MLLT3: variants seen among roughly 807,000 people sequenced by gnomAD.
The protein encoded by MLLT3 is MLLT3 super elongation complex subunit, also known as protein AF-9.
MLLT3 carries 4 observed loss-of-function variants against 53.2 expected under a neutral mutation model. That is an observed-to-expected ratio of 0.08 (90% CI 0.04 to 0.17). The LOEUF (loss-of-function observed/expected upper bound fraction) is 0.17, where lower values mean the gene tolerates loss of function less well. Among genes scored for constraint, MLLT3 ranks in the 10% least tolerant of loss-of-function variants. The pLI, the probability that MLLT3 is intolerant of heterozygous loss-of-function variation, is 1.00. For missense variants in MLLT3, 569 were observed against 684.0 expected (o/e 0.83, Z 1.87); for synonymous variants, 283 against 230.6 (o/e 1.23, Z -2.06).
chr9:20,413,741 TCTC>T lies in MLLT3; in HGVS notation c.1102_1104del (p.Glu368del), dbSNP rs752187106. The T allele has an allele frequency of 1.2e-6, 2 of 1,605,866 alleles. No homozygotes were observed. Among genetic ancestry groups the T allele is most frequent in the Non-Finnish European group, 1.7e-6 (2 of 1,177,026 alleles). On this transcript the variant is annotated inframe_deletion, in exon 5 of 11. Transcript: ENST00000380338. ...CTCACATCAGATTTAGAGGATATAT[TCTC>T]CTCCACATCTGAATCATTGGGATCC...
At chr9:20,450,805 T>C (rs543535627) in intron 3 of MLLT3, among the ~76,000 whole-genome samples, 1 of 152,216 alleles carries the variant, frequency 6.6e-6, no homozygotes, top group Non-Finnish European at 1.5e-5. Context: ...GTCTATCCTC[T>C]AAGTTATAAA....
intron 9 of MLLT3, among the ~76,000 whole-genome samples, chr9:20,354,121 T>C (rs1356821322): frequency 2.0e-5 from 3 of 152,200 alleles, no homozygotes. Context: ...ATACCAAACA[T>C]TGCTAGTAAG....
rs71334526 is a variant in MLLT3, at chr9:20,343,183, CAAAAAAAAAAAAA to C, written c.*3247_*3259del. The C allele has an allele frequency of 2.7e-3, 109 of 40,346 alleles. 1 individual carries two copies. Among genetic ancestry groups the C allele is most frequent in the South Asian group, 4.8e-3 (4 of 832 alleles). The allele number at this position is 40,346 out of a possible 1,614,324, so 2.5% of individuals were successfully genotyped here. A position where few individuals can be genotyped will look rare whatever the true frequency, so the allele number is the denominator to read the frequency against. On this transcript the variant is annotated 3_prime_UTR_variant, in exon 11 of 11. Transcript: ENST00000380338. ...TAGGTGGGCCTGTAAAAGATATCGG[CAAAAAAAAAAAAA>C]AAAAAAAAAAAAAAAAAATTTTGAA...
intron 2 of MLLT3, among the ~76,000 whole-genome samples, chr9:20,567,966 G>A (rs934917279): frequency 6.6e-6 from 1 of 151,996 alleles, no homozygotes; most frequent in Non-Finnish European, 1.5e-5. Context: ...CTGCCTTCAG[G>A]AACAATTAAG....
chr9:20,503,852 T>C (rs906824198), intron 2 of MLLT3, among the ~76,000 whole-genome samples: 4 of 151,868 alleles, frequency 2.6e-5, no homozygotes, highest in African/African-American at 9.7e-5. Context: ...AACAACTCAA[T>C]AGCAAGAAAA....
At chr9:20,449,188 C>T (rs1823780528) in intron 3 of MLLT3, among the ~76,000 whole-genome samples, 1 of 152,270 alleles carries the variant, frequency 6.6e-6, no homozygotes, top group East Asian at 1.9e-4. Flanking sequence ...TTCTTATTAT[C>T]ACCATTTACC....
At chr9:20,479,157 C>T (rs1422514761) in intron 2 of MLLT3, among the ~76,000 whole-genome samples, 1 of 152,072 alleles carries the variant, frequency 6.6e-6, no homozygotes, top group African/African-American at 2.4e-5. Flanking sequence ...GTTTCCTTTA[C>T]AAGTTTAAAT....
intron 2 of MLLT3, among the ~76,000 whole-genome samples, chr9:20,538,115 C>A (rs1217539286): frequency 6.6e-6 from 1 of 152,114 alleles, no homozygotes; most frequent in Non-Finnish European, 1.5e-5. Flanking sequence ...TTCATTATTG[C>A]TGATGGAATT....
At position 20,616,540 on chromosome 9, in the gene MLLT3, C is replaced by T. The variant is rs72701950; in HGVS notation, c.193+4114G>A. ...AACCTCCCATCACCACCACAAGTAG[C>T]TACTAAACTACTAGTAAGAGTTTGA... On this transcript the variant is annotated intron_variant, in intron 2 of 10. Transcript: ENST00000380338. Among the ~76,000 whole-genome samples, 372 of 152,240 alleles carry T rather than the reference C, an allele frequency of 2.4e-3. 2 individuals carry two copies. The highest frequency in any genetic ancestry group is 3.9e-3 in the Non-Finnish European group (262 of 67,966).
intron 2 of MLLT3, among the ~76,000 whole-genome samples, chr9:20,484,123 A>G (rs1056739745): frequency 6.7e-6 from 1 of 149,358 alleles, no homozygotes; most frequent in African/African-American, 2.6e-5. Flanking sequence ...ACAGGTGATT[A>G]ATTATTTATG....
chr9:20,442,681 T>C (rs1319817906), intron 4 of MLLT3, among the ~76,000 whole-genome samples: 1 of 152,162 alleles, frequency 6.6e-6, no homozygotes, highest in African/African-American at 2.4e-5. Flanking sequence ...TATCCTAAGA[T>C]CCTTTTGGCC....
intron 2 of MLLT3, among the ~76,000 whole-genome samples, chr9:20,615,707 C>CTA (rs1820816127): frequency 6.6e-6 from 1 of 151,776 alleles, no homozygotes; most frequent in Admixed American, 6.6e-5. Context: ...GACGTTAAAT[C>CTA]TATATATATA....
rs567177700 is a variant in MLLT3, at chr9:20,417,181, T to TTA, written c.421-2758_421-2757dup. On this transcript the variant is annotated intron_variant, in intron 4 of 10. Transcript: ENST00000380338. ...CACTGATTTTCAGCCTATCTGATAT[T>TTA]TATATATATATATTATATATTATAT... Among the ~76,000 whole-genome samples, 204 of 146,572 alleles carry TTA rather than the reference T, an allele frequency of 1.4e-3. 5 individuals carry two copies. The East Asian group carries it at 0.036, about 26-fold the overall frequency.
chr9:20,588,768 T>C (rs936581349), intron 2 of MLLT3, among the ~76,000 whole-genome samples: 8 of 152,292 alleles, frequency 5.3e-5, no homozygotes, highest in African/African-American at 1.7e-4. Flanking sequence ...TTTCTAGATA[T>C]ACAATCATGT....
At chr9:20,503,017 C>G (rs1563790353) in intron 2 of MLLT3, among the ~76,000 whole-genome samples, 1 of 151,956 alleles carries the variant, frequency 6.6e-6, no homozygotes, top group Non-Finnish European at 1.5e-5. Flanking sequence ...GACCTGTACA[C>G]CAGAAACTAT....
chr9:20,528,463 G>T (rs925315002), intron 2 of MLLT3, among the ~76,000 whole-genome samples: 2 of 152,204 alleles, frequency 1.3e-5, no homozygotes, highest in Admixed American at 6.5e-5. Context: ...TAACAGAAAC[G>T]TATTTCCCCA....
At chr9:20,376,305 T>C (rs987587264) in intron 5 of MLLT3, among the ~76,000 whole-genome samples, 1 of 152,212 alleles carries the variant, frequency 6.6e-6, no homozygotes, top group Admixed American at 6.5e-5. Flanking sequence ...ATTAGAATCA[T>C]ATTTAGCCTC....
intron 2 of MLLT3, among the ~76,000 whole-genome samples, chr9:20,546,297 A>G (rs1207825684): frequency 6.6e-6 from 1 of 152,180 alleles, no homozygotes; most frequent in African/African-American, 2.4e-5. Flanking sequence ...AAAATAAATA[A>G]ATAAATAAAG....
intron 2 of MLLT3, among the ~76,000 whole-genome samples, chr9:20,500,971 C>G (rs1052235112): frequency 1.3e-5 from 2 of 152,142 alleles, no homozygotes; most frequent in African/African-American, 2.4e-5. Context: ...TCAAATCATT[C>G]TTTCATTAGT....
Sources: allele counts gnomAD v4.1 joint callset (sites outside exome capture counted in the v4.1 genomes callset), GRCh38; gene constraint gnomAD v4.1.1; transcripts MANE v1.5; gene names NCBI Gene and HGNC (gene_info 2026-07-23, HGNC 2026-07-21).